RAD51B: variants seen among roughly 807,000 people sequenced by gnomAD.
RAD51B encodes the protein RAD51 paralog B.
Under a neutral mutation model 42.2 loss-of-function variants are expected in RAD51B, and 38 were observed. The observed-to-expected ratio is 0.90, with a 90% CI of 0.70 to 1.18. The LOEUF (loss-of-function observed/expected upper bound fraction) is 1.18, where lower values mean the gene tolerates loss of function less well. Ranked by LOEUF, RAD51B falls within the 50% of genes most tolerant of loss-of-function variation. The pLI, the probability that RAD51B is intolerant of heterozygous loss-of-function variation, is 0.00. For missense variants in RAD51B, 373 were observed against 400.7 expected, an observed-to-expected ratio of 0.93 and a Z score of 0.59; for synonymous variants, 154 against 145.2, an observed-to-expected ratio of 1.06 and a Z score of -0.43.
intron 7 of RAD51B, among the ~76,000 whole-genome samples, chr14:68,156,491 C>CTCTCTCTCTG (rs1555365455): frequency 2.0e-5 from 3 of 151,136 alleles, no homozygotes; most frequent in African/African-American, 7.3e-5. Flanking sequence ...CTCTCTCTCT[C>CTCTCTCTCTG]TCTCTGCCTT....
chr14:68,597,354 G>A (rs1891041706), downstream of RAD51B, among the ~76,000 whole-genome samples: 1 of 152,174 alleles, frequency 6.6e-6, no homozygotes, highest in Non-Finnish European at 1.5e-5. Context: ...ACAGGATAGA[G>A]AGTAGGGAAG....
intron 10 of RAD51B, among the ~76,000 whole-genome samples, chr14:68,607,877 C>A (rs10131921): frequency 0.083 from 12,673 of 152,248 alleles, 570 homozygotes; most frequent in African/African-American, 0.11. Context: ...GGCCCTACAT[C>A]GTGCCCCTTC....
chr14:68,613,074 C>G (rs1420834021), downstream of RAD51B, among the ~76,000 whole-genome samples: 1 of 152,140 alleles, frequency 6.6e-6, no homozygotes, highest in Non-Finnish European at 1.5e-5. Context: ...TGGGCCTGCC[C>G]CATGACTAAT....
intron 7 of RAD51B, among the ~76,000 whole-genome samples, chr14:68,225,361 A>T (rs2080016273): frequency 6.6e-6 from 1 of 152,138 alleles, no homozygotes; most frequent in Non-Finnish European, 1.5e-5. Context: ...ACTTGCTTGG[A>T]GGAGAAATCA....
chr14:68,521,845 A>C (rs1254427924), intron 10 of RAD51B, among the ~76,000 whole-genome samples: 1 of 152,222 alleles, frequency 6.6e-6, no homozygotes, highest in Non-Finnish European at 1.5e-5. Flanking sequence ...GCTAACATTT[A>C]TATGTAATTG....
intron 10 of RAD51B, chr14:68,562,937 A>G: frequency 2.0e-6 from 2 of 985,418 alleles, no homozygotes; most frequent in Non-Finnish European, 2.4e-6. Context: ...TGGACCATGT[A>G]TTGCTACAAA....
chr14:68,460,233 C>T (rs918326619), intron 9 of RAD51B, among the ~76,000 whole-genome samples: 11 of 152,218 alleles, frequency 7.2e-5, no homozygotes, highest in Middle Eastern at 3.4e-3. Flanking sequence ...AGGTGGATCA[C>T]CTGAGGTCAG....
At chr14:67,892,931 C>A (rs1375969161) in intron 7 of RAD51B, among the ~76,000 whole-genome samples, 1 of 152,216 alleles carries the variant, frequency 6.6e-6, no homozygotes, top group African/African-American at 2.4e-5. Flanking sequence ...CCTGGTTTCT[C>A]CTGGACTTTG....
chr14:68,564,283 C>G (rs1009998541), intron 10 of RAD51B, among the ~76,000 whole-genome samples: 2 of 152,220 alleles, frequency 1.3e-5, no homozygotes, highest in African/African-American at 4.8e-5. Flanking sequence ...CTCATTATTT[C>G]CCTCGTCAAC....
intron 7 of RAD51B, among the ~76,000 whole-genome samples, chr14:67,985,059 C>T (rs2075160096): frequency 6.6e-6 from 1 of 152,120 alleles, no homozygotes. Context: ...TAGATAATTT[C>T]CAAGGTCTTT....
intron 7 of RAD51B, among the ~76,000 whole-genome samples, chr14:67,907,198 A>T (rs1181416028): frequency 6.6e-6 from 1 of 151,288 alleles, no homozygotes; most frequent in African/African-American, 2.4e-5. Flanking sequence ...GGTTTTGTTG[A>T]TCTTTTGTAT....
intron 7 of RAD51B, among the ~76,000 whole-genome samples, chr14:68,084,768 A>G (rs2076960218): frequency 6.6e-6 from 1 of 152,226 alleles, no homozygotes; most frequent in Non-Finnish European, 1.5e-5. Context: ...TTCAACAAAA[A>G]TATATTGAAC....
At chr14:68,207,773 A>G (rs1005565309) in intron 7 of RAD51B, among the ~76,000 whole-genome samples, 3 of 152,154 alleles carry the variant, frequency 2.0e-5, no homozygotes, top group Admixed American at 2.0e-4. Context: ...AAAATTGAAG[A>G]CCGAGACTGG....
intron 7 of RAD51B, among the ~76,000 whole-genome samples, chr14:68,206,279 C>G (rs947359404): frequency 6.6e-6 from 1 of 152,102 alleles, no homozygotes; most frequent in African/African-American, 2.4e-5. Context: ...ATTTTGATCT[C>G]CAGGTCAAGG....
chr14:68,478,960 C>T (rs1306684519), downstream of RAD51B, among the ~76,000 whole-genome samples: 3 of 152,132 alleles, frequency 2.0e-5, no homozygotes, highest in Admixed American at 6.5e-5. Context: ...AAACTATTAA[C>T]TATAATATAA....
chr14:68,568,376 G>A (rs1286714790), intron 10 of RAD51B, among the ~76,000 whole-genome samples: 1 of 152,210 alleles, frequency 6.6e-6, no homozygotes, highest in African/African-American at 2.4e-5. Context: ...TCAGAGAGCT[G>A]CAAGTGGTAC....
At chr14:68,517,863 C>G (rs1283660913) in intron 10 of RAD51B, among the ~76,000 whole-genome samples, 4 of 152,098 alleles carry the variant, frequency 2.6e-5, no homozygotes, top group Admixed American at 6.6e-5. Flanking sequence ...AAGCTAGGCT[C>G]TAAGCCATTT....
At chr14:68,200,680 G>A (rs976057928) in intron 7 of RAD51B, among the ~76,000 whole-genome samples, 1 of 151,972 alleles carries the variant, frequency 6.6e-6, no homozygotes, top group Admixed American at 6.6e-5. Context: ...TTGAGACAGA[G>A]TGTCACTCTG....
intron 5 of RAD51B, among the ~76,000 whole-genome samples, chr14:67,871,258 A>G (rs1014862383): frequency 1.3e-5 from 2 of 152,082 alleles, no homozygotes; most frequent in African/African-American, 2.4e-5. Context: ...AGGGGATATC[A>G]TCACCGATCC....
Sources: allele counts gnomAD v4.1 joint callset (sites outside exome capture counted in the v4.1 genomes callset), GRCh38; gene constraint gnomAD v4.1.1; transcripts MANE v1.5; gene names NCBI Gene and HGNC (gene_info 2026-07-23, HGNC 2026-07-21).